The following PSMD12 variants were observed in gnomAD, a reference collection of about 807,000 sequenced individuals.
The protein encoded by PSMD12 is 26S proteasome non-ATPase regulatory subunit 12.
A neutral mutation model predicts 62.9 loss-of-function variants in PSMD12; 8 were observed. That is an observed-to-expected ratio of 0.13 (90% CI 0.07 to 0.23). PSMD12 has a LOEUF of 0.23. Ranked by LOEUF, PSMD12 falls within the 10% of genes least tolerant of loss-of-function variation. The pLI, the probability that PSMD12 is intolerant of heterozygous loss-of-function variation, is 1.00. For synonymous variants in PSMD12, 173 were observed against 187.4 expected, an observed-to-expected ratio of 0.92 and a Z score of 0.63; for missense variants, 424 against 550.2, an observed-to-expected ratio of 0.77 and a Z score of 2.29.
In PSMD12 at chr17:67,344,616, A is replaced by G. The variant is rs2230680; in HGVS notation, c.1073T>C (p.Val358Ala). Reference sequence around the variant, plus strand: ...ATGACAGATTCTTACATGTTCAACAACTCTGTTCTTCAAGTCTTTCCACCT... The same window carrying G: ...ATGACAGATTCTTACATGTTCAACAGCTCTGTTCTTCAAGTCTTTCCACCT... ...EKRWKDLKNR[V>A]VEHNIRIMAK... Residue 358 changes from valine (V) to alanine (A), a missense_variant, in exon 9 of 11, where the codon GTT (valine) becomes GCT (alanine). Physicochemically the swap from Val to Ala is moderately conservative, Grantham distance 64. Coordinates refer to ENST00000356126, the MANE Select transcript of PSMD12 (RefSeq NM_002816.5). 4.2e-4 allele frequency: 674 copies of G among 1,608,002 alleles called. 6 individuals carry two copies. The African/African-American group carries it at 8.2e-3, about 20-fold the overall frequency.
chr17:67,355,816 C>T (rs1567958382), intron 3 of PSMD12, among the ~76,000 whole-genome samples: 3 of 152,088 alleles, frequency 2.0e-5, no homozygotes, highest in Admixed American at 6.6e-5. Context: ...AAAATAGTCT[C>T]TCTAAAAATG....
At chr17:67,341,196 T>G (rs879722275) in intron 10 of PSMD12, 144 bp from the exon 11 acceptor site, 6 of 651,686 alleles carry the variant, frequency 9.2e-6, no homozygotes, top group Non-Finnish European at 1.5e-5. Context: ...CAGCTGGGTG[T>G]GGTGGCTCAC....
chr17:67,358,939 G>A (rs932302048), intron 1 of PSMD12, among the ~76,000 whole-genome samples: 5 of 152,142 alleles, frequency 3.3e-5, no homozygotes, highest in African/African-American at 4.8e-5. Context: ...TATATATTTA[G>A]AGATTGGAAC....
chr17:67,362,066 C>T (rs929129849), intron 1 of PSMD12, among the ~76,000 whole-genome samples: 13 of 151,896 alleles, frequency 8.6e-5, no homozygotes, highest in African/African-American at 3.1e-4. Context: ...AAAGATTTTG[C>T]AACCTGCAGC....
chr17:67,343,072 G>C (rs2041930552), intron 9 of PSMD12, among the ~76,000 whole-genome samples: 1 of 151,892 alleles, frequency 6.6e-6, no homozygotes, highest in Non-Finnish European at 1.5e-5. Context: ...AAGACACAGA[G>C]ACTCCCCTTT....
chr17:67,345,938 C>T (rs1401392950), intron 7 of PSMD12, 81 bp from the exon 8 acceptor site: 3 of 1,269,344 alleles, frequency 2.4e-6, no homozygotes, highest in Non-Finnish European at 2.2e-6. Context: ...CATGGAATAA[C>T]TATATATCCA....
intron 9 of PSMD12, among the ~76,000 whole-genome samples, chr17:67,344,356 G>A (rs566468415): frequency 6.6e-6 from 1 of 152,214 alleles, no homozygotes; most frequent in Admixed American, 6.5e-5. Context: ...AGATGAGTGA[G>A]ATACATTCCA....
At chr17:67,350,413 C>T (rs2042006624) in intron 3 of PSMD12, 77 bp from the exon 4 acceptor site, 2 of 1,094,338 alleles carry the variant, frequency 1.8e-6, no homozygotes, top group African/African-American at 3.2e-5. Flanking sequence ...GATCAAAGAG[C>T]AATGATCGAA....
rs2042006379 is a variant in PSMD12, at chr17:67,350,385, G to GA, written c.298-50dup. ...AAGTAAAATACATTCCTCACAGAGC[G>GA]AAAAAATGTATTTTATTGATCAAAG... On this transcript the variant is annotated intron_variant, in intron 3 of 10. Transcript: ENST00000356126. The GA allele has an allele frequency of 4.4e-6, 6 of 1,351,600 alleles. No homozygotes were observed. In the South Asian group the frequency reaches 6.6e-5, roughly 15 times the overall value. The allele number at this position is 1,351,600 out of a possible 1,614,324, so 83.7% of individuals were successfully genotyped here.
chr17:67,349,215 C>T (rs1298855913), intron 4 of PSMD12, among the ~76,000 whole-genome samples: 3 of 152,156 alleles, frequency 2.0e-5, no homozygotes, highest in Non-Finnish European at 2.9e-5. Context: ...GAGGGTGTTT[C>T]TCCATGTTGG....
intron 1 of PSMD12, among the ~76,000 whole-genome samples, chr17:67,358,567 C>CAAAAAAAAAAAA (rs398039153): frequency 1.4e-4 from 10 of 74,054 alleles, no homozygotes; most frequent in Admixed American, 1.8e-4. Context: ...GAACCTGTCT[C>CAAAAAAAAAAAA]AAAAAAAAAA....
intron 8 of PSMD12, chr17:67,345,525 C>A: frequency 2.3e-6 from 1 of 442,634 alleles, no homozygotes; most frequent in South Asian, 2.8e-5. Context: ...GCCTGTAATC[C>A]CGGCTACTCG....
chr17:67,347,318 G>A lies in PSMD12; in HGVS notation c.660+18C>T. 1 of 1,612,248 alleles carries A rather than the reference G, an allele frequency of 6.2e-7. No individual in the cohort carries two copies. Among genetic ancestry groups the A allele is most frequent in the Non-Finnish European group, 8.5e-7 (1 of 1,179,022 alleles). Reference sequence around the variant, plus strand: ...ATTCATACTTTTAAAGTAAACATGTGGTCACAGATATGCTCACCTCTGTAT... The same window carrying A: ...ATTCATACTTTTAAAGTAAACATGTAGTCACAGATATGCTCACCTCTGTAT... On this transcript the variant is annotated intron_variant, in intron 6 of 10. Coordinates refer to ENST00000356126, the MANE Select transcript of PSMD12 (RefSeq NM_002816.5).
intron 3 of PSMD12, among the ~76,000 whole-genome samples, chr17:67,351,252 C>A (rs1270597700): frequency 1.3e-5 from 2 of 151,964 alleles, no homozygotes; most frequent in Admixed American, 1.3e-4. Flanking sequence ...ATTAACCAGG[C>A]GTGGTGGCGG....
rs373198217 is a variant in PSMD12, at chr17:67,345,763, T to C, written c.890A>G (p.Glu297Gly). The change falls in exon 8 of 11, where the codon GAA (glutamate) becomes GGA (glycine). Residue 297 changes from glutamate to glycine, a missense_variant. Physicochemically the swap from Glu to Gly is moderately conservative, Grantham distance 98. Coordinates refer to ENST00000356126, the MANE Select transcript of PSMD12 (RefSeq NM_002816.5). ...TACTTACTTGTATTTGGGAATTTCT[T>C]CTAACTTCTTGTCACCACTTATTCG... ...VHRISGDKKLEEIPKYKDLLK... is the reference protein window; with the variant it reads ...VHRISGDKKLGEIPKYKDLLK... 6.2e-7 allele frequency: 1 copy of C among 1,609,132 alleles called. No homozygotes were observed. Among genetic ancestry groups the C allele is most frequent in the African/African-American group, 1.3e-5 (1 of 74,924 alleles).
chr17:67,355,850 G>A (rs905347973), intron 3 of PSMD12, among the ~76,000 whole-genome samples: 12 of 151,918 alleles, frequency 7.9e-5, no homozygotes, highest in East Asian at 1.9e-4. Context: ...GTTGGAAGCC[G>A]GGTGCAGTGG....
chr17:67,357,782 T>C lies in PSMD12; in HGVS notation c.109-204A>G, dbSNP rs76010652. Among the ~76,000 whole-genome samples, 1,699 of 152,350 alleles carry C rather than the reference T, an allele frequency of 0.011. 20 individuals are homozygous for C. The highest frequency in any genetic ancestry group is 0.019 in the Non-Finnish European group (1,300 of 68,032). On this transcript the variant is annotated intron_variant, in intron 1 of 10. Transcript: ENST00000356126. ...GTTCCATCAGTCAGTGGTTCCCTAC[T>C]TGAAGCCCATAAGCTATTTTTAATA...
chr17:67,353,701 T>C lies in PSMD12; in HGVS notation c.298-3365A>G, dbSNP rs144899908. On this transcript the variant is annotated intron_variant, in intron 3 of 10. Transcript: ENST00000356126. ...ATAATTATGAGAAAAGAGGACTCTGTGGGCCACAGAGACATTTATGTTTCC... is the reference window on the plus strand; with the variant it reads ...ATAATTATGAGAAAAGAGGACTCTGCGGGCCACAGAGACATTTATGTTTCC... Among the ~76,000 whole-genome samples, 14 of 152,320 alleles carry C rather than the reference T, an allele frequency of 9.2e-5. No homozygotes were observed. In the East Asian group the frequency reaches 2.5e-3, roughly 27 times the overall value.
intron 1 of PSMD12, among the ~76,000 whole-genome samples, chr17:67,364,823 C>A (rs1393306063): frequency 6.6e-6 from 1 of 152,122 alleles, no homozygotes; most frequent in Non-Finnish European, 1.5e-5. Context: ...GGCCTTCATC[C>A]CCAATTGGCA....
Sources: gnomAD v4.1 joint callset for allele counts (sites outside exome capture counted in the v4.1 genomes callset) on GRCh38, gnomAD v4.1.1 for gene constraint, MANE v1.5 for transcripts, NCBI Gene and HGNC (gene_info 2026-07-23, HGNC 2026-07-21) for gene names.